KCTD8: variants seen among roughly 807,000 people sequenced by gnomAD.
KCTD8 encodes potassium channel tetramerization domain containing 8.
In KCTD8, 27 loss-of-function variants were observed where a neutral mutation model predicts 31.5. That is an observed-to-expected ratio of 0.86 (90% CI 0.63 to 1.18). The LOEUF (loss-of-function observed/expected upper bound fraction) is 1.18, where lower values mean the gene tolerates loss of function less well. Ranked by LOEUF, KCTD8 falls within the 50% of genes most tolerant of loss-of-function variation. The probability of loss-of-function intolerance (pLI) is 0.00; values close to 1 mark genes in which losing one functional copy is unlikely to be tolerated. For synonymous variants in KCTD8, 290 were observed against 280.0 expected (o/e 1.04, Z -0.36); for missense variants, 658 against 647.7 (o/e 1.02, Z -0.17).
chr4:44,407,627 C>T (rs1382280089), intron 1 of KCTD8, among the ~76,000 whole-genome samples: 1 of 152,060 alleles, frequency 6.6e-6, no homozygotes. Context: ...CTCAGATGAT[C>T]CACCCGCCTT....
intron 1 of KCTD8, among the ~76,000 whole-genome samples, chr4:44,200,236 G>A (rs1212485991): frequency 1.3e-5 from 2 of 150,942 alleles, no homozygotes; most frequent in African/African-American, 4.9e-5. Context: ...ATAGATAAAT[G>A]AGAACTGGTA....
intron 1 of KCTD8, among the ~76,000 whole-genome samples, chr4:44,421,590 A>AGT (rs1721212954): frequency 6.6e-6 from 1 of 152,088 alleles, no homozygotes; most frequent in South Asian, 2.1e-4. Flanking sequence ...TGTGACATAT[A>AGT]GTGTATATAT....
intron 1 of KCTD8, among the ~76,000 whole-genome samples, chr4:44,392,025 T>C (rs532525215): frequency 6.6e-6 from 1 of 152,136 alleles, no homozygotes; most frequent in Admixed American, 6.6e-5. Context: ...TTACGGAGTC[T>C]TACCAACTGT....
intron 1 of KCTD8, among the ~76,000 whole-genome samples, chr4:44,332,742 A>G (rs947105916): frequency 2.6e-5 from 4 of 152,024 alleles, no homozygotes; most frequent in African/African-American, 9.7e-5. Flanking sequence ...GAAAAGACAA[A>G]TCCATCATAC....
intron 1 of KCTD8, among the ~76,000 whole-genome samples, chr4:44,206,805 A>C (rs1031851642): frequency 6.6e-6 from 1 of 152,106 alleles, no homozygotes; most frequent in Non-Finnish European, 1.5e-5. Flanking sequence ...AAGTTATTTA[A>C]ACATCTCCCA....
At chr4:44,268,814 C>T (rs1716477529) in intron 1 of KCTD8, among the ~76,000 whole-genome samples, 1 of 151,994 alleles carries the variant, frequency 6.6e-6, no homozygotes, top group Admixed American at 6.5e-5. Context: ...AATAAAATAC[C>T]TAGGAATCCA....
intron 1 of KCTD8, 139 bp from the exon 2 acceptor site, chr4:44,175,389 T>A (rs925724813): frequency 9.3e-6 from 5 of 538,258 alleles, no homozygotes; most frequent in Non-Finnish European, 1.6e-5. Context: ...TGTACTAGTC[T>A]AGGTTTGTGA....
chr4:44,277,249 CAAATAA>C (rs1419850841), intron 1 of KCTD8, among the ~76,000 whole-genome samples: 1 of 151,530 alleles, frequency 6.6e-6, no homozygotes, highest in African/African-American at 2.4e-5. Context: ...TAAGACAAAA[CAAATAA>C]AAAGAAAAAT....
chr4:44,398,563 G>C (rs1372051229), intron 1 of KCTD8, among the ~76,000 whole-genome samples: 1 of 152,194 alleles, frequency 6.6e-6, no homozygotes, highest in Non-Finnish European at 1.5e-5. Flanking sequence ...GTTTTCACTT[G>C]ATGGCCATTA....
intron 1 of KCTD8, among the ~76,000 whole-genome samples, chr4:44,322,855 A>G (rs1718332160): frequency 1.3e-5 from 2 of 152,068 alleles, no homozygotes; most frequent in South Asian, 2.1e-4. Flanking sequence ...TCTTTTCTCA[A>G]TGTATGTTAT....
chr4:44,269,148 A>C (rs530698550), intron 1 of KCTD8, among the ~76,000 whole-genome samples: 6 of 152,330 alleles, frequency 3.9e-5, no homozygotes, highest in African/African-American at 1.2e-4. Flanking sequence ...CTATACTACA[A>C]GGCTGCAGTA....
chr4:44,229,902 C>G lies in KCTD8; in HGVS notation c.962-54652G>C, dbSNP rs145560463. Among the ~76,000 whole-genome samples the G allele has an allele frequency of 9.0e-3, 1,366 of 151,862 alleles. 26 individuals are homozygous for G. Among genetic ancestry groups the G allele is most frequent in the African/African-American group, 0.03 (1,224 of 41,362 alleles). On this transcript the variant is annotated intron_variant, in intron 1 of 1. Transcript: ENST00000360029. ...TGCAGGTTTGTTACATAGGTATACA[C>G]GTGCCATGGTGGTTTGCTGCACCCA...
chr4:44,331,586 A>G (rs1301057170), intron 1 of KCTD8, among the ~76,000 whole-genome samples: 1 of 151,462 alleles, frequency 6.6e-6, no homozygotes, highest in Non-Finnish European at 1.5e-5. Flanking sequence ...ACTCGTTACC[A>G]TTTTTGAGTG....
chr4:44,448,252 C>T lies in KCTD8; in HGVS notation c.272G>A (p.Arg91Lys), dbSNP rs1343451442. Reference sequence around the variant, plus strand: ...GATGAAGAAGCGCGCCCGGCTGTCCCTGGGCAGCTCGCCCCGGCGCCGGGC... The same window carrying T: ...GATGAAGAAGCGCGCCCGGCTGTCCTTGGGCAGCTCGCCCCGGCGCCGGGC... Reference protein sequence around the residue: ...GGARRRGELPRDSRARFFIDR... With the variant: ...GGARRRGELPKDSRARFFIDR... Residue 91 changes from arginine (R) to lysine (K), a missense_variant, in exon 1 of 2, where the codon AGG becomes AAG. Arg to Lys is a conservative substitution (Grantham distance 26). Coordinates refer to ENST00000360029, the MANE Select transcript of KCTD8 (RefSeq NM_198353.3). The surrounding 1 kb of genome is among the most constrained non-coding windows in gnomAD (Gnocchi z 4.1). The T allele has an allele frequency of 1.9e-6, 3 of 1,609,352 alleles. No individual in the cohort carries two copies. Among genetic ancestry groups the T allele is most frequent in the East Asian group, 2.2e-5 (1 of 44,626 alleles).
chr4:44,178,286 T>C (rs1422922177), intron 1 of KCTD8, among the ~76,000 whole-genome samples: 1 of 152,150 alleles, frequency 6.6e-6, no homozygotes, highest in Non-Finnish European at 1.5e-5. Flanking sequence ...ATTTTTTGAA[T>C]GTGCATATGT....
chr4:44,407,567 G>T (rs1365361830), intron 1 of KCTD8, among the ~76,000 whole-genome samples: 1 of 151,946 alleles, frequency 6.6e-6, no homozygotes, highest in African/African-American at 2.4e-5. Context: ...TGTATTTTTA[G>T]TAGAGACGAG....
At chr4:44,335,451 C>G (rs1718713864) in intron 1 of KCTD8, among the ~76,000 whole-genome samples, 1 of 151,856 alleles carries the variant, frequency 6.6e-6, no homozygotes, top group Admixed American at 6.6e-5. Flanking sequence ...CTTCCTGAAC[C>G]TATAATAAAA....
chr4:44,435,302 T>C (rs1338642716), intron 1 of KCTD8, among the ~76,000 whole-genome samples: 1 of 151,964 alleles, frequency 6.6e-6, no homozygotes, highest in Non-Finnish European at 1.5e-5. Context: ...TTAATAACTA[T>C]AAAGTGGCAA....
chr4:44,354,595 C>T (rs1372957846), intron 1 of KCTD8, among the ~76,000 whole-genome samples: 1 of 152,102 alleles, frequency 6.6e-6, no homozygotes, highest in East Asian at 1.9e-4. Flanking sequence ...TTATTGAGCA[C>T]TTACTGTCTG....
Sources: allele counts gnomAD v4.1 joint callset (sites outside exome capture counted in the v4.1 genomes callset), GRCh38; gene constraint gnomAD v4.1.1; non-coding constraint Gnocchi (gnomAD v3.1); transcripts MANE v1.5; gene names NCBI Gene and HGNC (gene_info 2026-07-23, HGNC 2026-07-21).